The following WDR70 variants were observed in gnomAD, a reference collection of about 807,000 sequenced individuals.
WDR70 encodes the protein WD repeat-containing protein 70.
Under a neutral mutation model 88.6 loss-of-function variants are expected in WDR70, and 53 were observed. The observed-to-expected ratio is 0.60, with a 90% CI of 0.48 to 0.75. The LOEUF (loss-of-function observed/expected upper bound fraction) is 0.75, where lower values mean the gene tolerates loss of function less well. Ranked by LOEUF, WDR70 falls within the 30% of genes least tolerant of loss-of-function variation. The probability of loss-of-function intolerance (pLI) is 0.00; values close to 1 mark genes in which losing one functional copy is unlikely to be tolerated. For missense variants in WDR70, 610 were observed against 823.2 expected (o/e 0.74, Z 3.17); for synonymous variants, 280 against 270.0 (o/e 1.04, Z -0.36).
At chr5:37,465,675 T>C (rs78074551) in intron 7 of WDR70, among the ~76,000 whole-genome samples, 1 of 150,924 alleles carries the variant, frequency 6.6e-6, no homozygotes, top group African/African-American at 2.4e-5. Context: ...TTTTTTTTTT[T>C]TTCTGAAGTA....
chr5:37,446,245 C>G (rs1432713509), intron 7 of WDR70, among the ~76,000 whole-genome samples: 1 of 152,198 alleles, frequency 6.6e-6, no homozygotes, highest in Admixed American at 6.5e-5. Context: ...ATGTGAAGGA[C>G]CTCTTCAAGG....
intron 7 of WDR70, among the ~76,000 whole-genome samples, chr5:37,457,684 GATA>G (rs1738885071): frequency 6.6e-6 from 1 of 152,054 alleles, no homozygotes; most frequent in African/African-American, 2.4e-5. Context: ...ACAAGAGTCT[GATA>G]ATATGTTCTT....
intron 10 of WDR70, among the ~76,000 whole-genome samples, chr5:37,692,473 A>C (rs1746828779): frequency 6.6e-6 from 1 of 152,226 alleles, no homozygotes; most frequent in Non-Finnish European, 1.5e-5. Flanking sequence ...TCAGTAAAAT[A>C]CTGGCAAACT....
chr5:37,727,959 C>T (rs1173481315), intron 17 of WDR70, among the ~76,000 whole-genome samples: 1 of 152,084 alleles, frequency 6.6e-6, no homozygotes, highest in Non-Finnish European at 1.5e-5. Flanking sequence ...ACAGAGAGTA[C>T]ATATATACTA....
chr5:37,650,699 G>A (rs1357782153), intron 10 of WDR70, among the ~76,000 whole-genome samples: 3 of 152,112 alleles, frequency 2.0e-5, no homozygotes, highest in Non-Finnish European at 4.4e-5. Flanking sequence ...GGGATTATTT[G>A]CATGGTAGGT....
chr5:37,625,991 G>C (rs10941356), intron 10 of WDR70, among the ~76,000 whole-genome samples: 70,936 of 148,108 alleles, frequency 0.48, 18,118 homozygotes, highest in Non-Finnish European at 0.58. Context: ...ATTCTGTTAT[G>C]GGTTCTAAGA....
At chr5:37,507,107 A>T (rs941132191) in intron 8 of WDR70, among the ~76,000 whole-genome samples, 8 of 152,150 alleles carry the variant, frequency 5.3e-5, no homozygotes, top group Admixed American at 5.2e-4. Context: ...ATTTGGTAGG[A>T]TGCTTTCCAA....
chr5:37,443,918 G>A (rs1235164205), intron 7 of WDR70, among the ~76,000 whole-genome samples: 3 of 152,042 alleles, frequency 2.0e-5, no homozygotes, highest in Admixed American at 6.6e-5. Context: ...GGAGGCCAAG[G>A]TGGGTGGATC....
intron 10 of WDR70, among the ~76,000 whole-genome samples, chr5:37,678,271 A>G (rs1254550473): frequency 1.3e-5 from 2 of 152,118 alleles, no homozygotes; most frequent in African/African-American, 4.8e-5. Flanking sequence ...TGATCCTGTC[A>G]TCATGATGTT....
intron 5 of WDR70, among the ~76,000 whole-genome samples, chr5:37,429,643 T>C (rs868422247): frequency 3.9e-5 from 6 of 152,176 alleles, no homozygotes; most frequent in Non-Finnish European, 7.4e-5. Flanking sequence ...AACAAATTTG[T>C]ATATGTGTGG....
At chr5:37,519,268 G>GAT (rs1740996874) in intron 9 of WDR70, among the ~76,000 whole-genome samples, 1 of 151,946 alleles carries the variant, frequency 6.6e-6, no homozygotes, top group Non-Finnish European at 1.5e-5. Context: ...CTTCCCAGAC[G>GAT]GGGTGGCTGG....
intron 8 of WDR70, among the ~76,000 whole-genome samples, chr5:37,488,202 C>CTT (rs796850688): frequency 1.2e-4 from 16 of 136,508 alleles, no homozygotes; most frequent in African/African-American, 4.0e-4. Flanking sequence ...TGTGACTAGA[C>CTT]TTTTTTTTTT....
intron 17 of WDR70, among the ~76,000 whole-genome samples, chr5:37,745,192 G>A (rs1279961775): frequency 1.3e-5 from 2 of 152,018 alleles, no homozygotes; most frequent in Non-Finnish European, 2.9e-5. Flanking sequence ...CATAAGCGAA[G>A]GAGAAATAAA....
intron 3 of WDR70, among the ~76,000 whole-genome samples, chr5:37,388,119 A>AT (rs903357110): frequency 1.4e-4 from 21 of 151,422 alleles, no homozygotes; most frequent in Admixed American, 3.3e-4. Flanking sequence ...TGAAATACAA[A>AT]TTTTTTTTTC....
At chr5:37,680,636 C>A (rs533327789) in intron 10 of WDR70, among the ~76,000 whole-genome samples, 3 of 152,182 alleles carry the variant, frequency 2.0e-5, no homozygotes, top group Non-Finnish European at 4.4e-5. Context: ...GTTCTCCTAG[C>A]GCTATTTATT....
chr5:37,508,748 A>G (rs537534585), intron 8 of WDR70, among the ~76,000 whole-genome samples: 2 of 152,184 alleles, frequency 1.3e-5, no homozygotes, highest in African/African-American at 4.8e-5. Flanking sequence ...TAGCTTTCTT[A>G]TGTCATATGG....
At chr5:37,494,539 G>T (rs528062819) in intron 8 of WDR70, among the ~76,000 whole-genome samples, 1 of 152,210 alleles carries the variant, frequency 6.6e-6, no homozygotes, top group Non-Finnish European at 1.5e-5. Flanking sequence ...TATGCTGAGA[G>T]AGTGGTTCAA....
At chr5:37,703,744 C>T (rs115306571) in intron 13 of WDR70, among the ~76,000 whole-genome samples, 116 of 152,182 alleles carry the variant, frequency 7.6e-4, no homozygotes, top group African/African-American at 2.7e-3. Flanking sequence ...ATGAAAATTC[C>T]CAGAGGAAAA....
At chr5:37,414,228 G>A (rs10071032) in intron 5 of WDR70, among the ~76,000 whole-genome samples, 16,437 of 151,402 alleles carry the variant, frequency 0.11, 2,896 homozygotes, top group African/African-American at 0.37. Flanking sequence ...TATCACTTCA[G>A]GTTCTTTGCC....
Sources: gnomAD v4.1 joint callset for allele counts (sites outside exome capture counted in the v4.1 genomes callset) on GRCh38, gnomAD v4.1.1 for gene constraint, MANE v1.5 for transcripts, NCBI Gene and HGNC (gene_info 2026-07-23, HGNC 2026-07-21) for gene names.